Variants in ADAMTS3 observed in about 807,000 individuals in gnomAD.
The protein encoded by ADAMTS3 is A disintegrin and metalloproteinase with thrombospondin motifs 3.
A neutral mutation model predicts 129.0 loss-of-function variants in ADAMTS3; 73 were observed. That is an observed-to-expected ratio of 0.57 (90% confidence interval 0.47 to 0.69). The LOEUF is 0.69. ADAMTS3 is among the 30% of genes least tolerant of loss of function. The pLI is 0.00. For missense variants in ADAMTS3, 1,457 were observed against 1,514.5 expected, an observed-to-expected ratio of 0.96 and a Z score of 0.63; for synonymous variants, 477 against 510.8, an observed-to-expected ratio of 0.93 and a Z score of 0.89.
chr4:72,455,375 C>T (rs561239772), intron 3 of ADAMTS3, among the ~76,000 whole-genome samples: 1 of 151,428 alleles, frequency 6.6e-6, no homozygotes. Flanking sequence ...AACACAGGAA[C>T]AGAAAACCAA....
intron 4 of ADAMTS3, among the ~76,000 whole-genome samples, chr4:72,406,900 G>C (rs1465223108): frequency 6.6e-6 from 1 of 152,148 alleles, no homozygotes; most frequent in Non-Finnish European, 1.5e-5. Flanking sequence ...TTAGAACACT[G>C]CTTCCACATA....
intron 21 of ADAMTS3, among the ~76,000 whole-genome samples, chr4:72,287,126 A>G (rs995149201): frequency 2.6e-5 from 4 of 151,952 alleles, no homozygotes; most frequent in Non-Finnish European, 5.9e-5. Flanking sequence ...ATAAAAGAGA[A>G]TCAAGGGAGC....
intron 4 of ADAMTS3, among the ~76,000 whole-genome samples, chr4:72,397,106 T>A (rs1468049973): frequency 6.6e-6 from 1 of 152,086 alleles, no homozygotes; most frequent in African/African-American, 2.4e-5. Context: ...ACTCTCTCAC[T>A]CCTCTCTATA....
chr4:72,341,363 T>C (rs1341708902), intron 4 of ADAMTS3, among the ~76,000 whole-genome samples: 2 of 152,192 alleles, frequency 1.3e-5, no homozygotes, highest in African/African-American at 4.8e-5. Context: ...AGGAATTACA[T>C]TGGCTCCACA....
intron 12 of ADAMTS3, 113 bp from the exon 13 acceptor site, chr4:72,312,579 G>T: frequency 1.1e-6 from 1 of 929,792 alleles, no homozygotes; most frequent in Non-Finnish European, 1.6e-6. Flanking sequence ...CCAGCACAAA[G>T]TGAATGAACT....
intron 4 of ADAMTS3, among the ~76,000 whole-genome samples, chr4:72,386,805 A>G (rs1459877991): frequency 2.0e-5 from 3 of 152,192 alleles, no homozygotes; most frequent in Non-Finnish European, 4.4e-5. Flanking sequence ...TATTCCATCA[A>G]AGATAATCAA....
At chr4:72,401,582 A>AAG (rs1279269105) in intron 4 of ADAMTS3, among the ~76,000 whole-genome samples, 5 of 142,414 alleles carry the variant, frequency 3.5e-5, no homozygotes, top group Admixed American at 3.5e-4. Flanking sequence ...AAAAAAAAAA[A>AAG]AAAAAAGAAA....
intron 4 of ADAMTS3, among the ~76,000 whole-genome samples, chr4:72,358,693 T>C (rs1197519067): frequency 1.3e-5 from 2 of 151,950 alleles, no homozygotes; most frequent in African/African-American, 4.8e-5. Flanking sequence ...TATGTAACCA[T>C]TGCATAATCA....
At chr4:72,538,740 C>A (rs1721243606) in intron 3 of ADAMTS3, among the ~76,000 whole-genome samples, 1 of 152,080 alleles carries the variant, frequency 6.6e-6, no homozygotes, top group African/African-American at 2.4e-5. Flanking sequence ...AGCTGGAGGA[C>A]TCACACTTCC....
chr4:72,322,459 C>G (rs888480239), intron 6 of ADAMTS3, among the ~76,000 whole-genome samples: 2 of 152,148 alleles, frequency 1.3e-5, no homozygotes, highest in African/African-American at 4.8e-5. Context: ...TTATCCAACT[C>G]TTTGCTTTTG....
chr4:72,375,454 T>G (rs961116003), intron 4 of ADAMTS3, among the ~76,000 whole-genome samples: 4 of 152,128 alleles, frequency 2.6e-5, no homozygotes, highest in African/African-American at 9.7e-5. Flanking sequence ...AAGACAGAGC[T>G]TAAATGAGTA....
chr4:72,410,748 T>C (rs1185449168), intron 4 of ADAMTS3, among the ~76,000 whole-genome samples: 1 of 152,098 alleles, frequency 6.6e-6, no homozygotes, highest in African/African-American at 2.4e-5. Flanking sequence ...TAATTTTTAT[T>C]AAGTATATTG....
chr4:72,509,180 T>A (rs788931), intron 3 of ADAMTS3, among the ~76,000 whole-genome samples: 32 of 151,020 alleles, frequency 2.1e-4, no homozygotes, highest in Non-Finnish European at 4.0e-4. Flanking sequence ...AGAGAAAAAA[T>A]TTTAAATAAA....
chr4:72,334,134 AAAG>A (rs1344937704), intron 5 of ADAMTS3, among the ~76,000 whole-genome samples: 1 of 151,758 alleles, frequency 6.6e-6, no homozygotes, highest in Non-Finnish European at 1.5e-5. Context: ...ATTACAGGAG[AAAG>A]AAGGTTTTCT....
intron 4 of ADAMTS3, among the ~76,000 whole-genome samples, chr4:72,344,230 A>G (rs925215128): frequency 6.6e-6 from 1 of 152,206 alleles, no homozygotes; most frequent in Non-Finnish European, 1.5e-5. Context: ...GATTATGGAC[A>G]CTAAGGCTTG....
chr4:72,405,299 A>G (rs1722022626), intron 4 of ADAMTS3, among the ~76,000 whole-genome samples: 1 of 152,160 alleles, frequency 6.6e-6, no homozygotes, highest in Non-Finnish European at 1.5e-5. Context: ...CTAAATGTTC[A>G]CTGATAGATG....
intron 3 of ADAMTS3, among the ~76,000 whole-genome samples, chr4:72,420,316 G>C (rs769516286): frequency 2.6e-5 from 4 of 152,068 alleles, no homozygotes; most frequent in Non-Finnish European, 5.9e-5. Context: ...GCTGATTCTT[G>C]AATACTTAAG....
At chr4:72,349,843 T>C (rs1298637576) in intron 4 of ADAMTS3, among the ~76,000 whole-genome samples, 1 of 152,028 alleles carries the variant, frequency 6.6e-6, no homozygotes, top group Non-Finnish European at 1.5e-5. Context: ...ATCAAATTAT[T>C]GAAGAAGCGG....
intron 4 of ADAMTS3, among the ~76,000 whole-genome samples, chr4:72,348,000 C>A (rs1720332320): frequency 6.6e-6 from 1 of 152,004 alleles, no homozygotes; most frequent in African/African-American, 2.4e-5. Context: ...TTCTAAATCA[C>A]TCCAATATGG....
Sources: gnomAD v4.1 joint callset for allele counts (sites outside exome capture counted in the v4.1 genomes callset) on GRCh38, gnomAD v4.1.1 for gene constraint, MANE v1.5 for transcripts, NCBI Gene and HGNC (gene_info 2026-07-23, HGNC 2026-07-21) for gene names.